The following LMOD2 variants were observed in gnomAD, a reference collection of about 807,000 sequenced individuals.
The protein encoded by LMOD2 is leiomodin-2.
A neutral mutation model predicts 41.7 loss-of-function variants in LMOD2; 27 were observed. The observed-to-expected ratio is 0.65, with a 90% CI of 0.48 to 0.89. The LOEUF (loss-of-function observed/expected upper bound fraction) is 0.89. LMOD2 is among the 40% of genes least tolerant of loss of function. The probability of loss-of-function intolerance (pLI) is 0.00; values close to 1 mark genes in which losing one functional copy is unlikely to be tolerated. For synonymous variants in LMOD2, 251 were observed against 244.6 expected, an observed-to-expected ratio of 1.03 and a Z score of -0.25; for missense variants, 624 against 667.9, an observed-to-expected ratio of 0.93 and a Z score of 0.72.
At chr7:123,660,087 T>G (rs183339095) in intron 1 of LMOD2, among the ~76,000 whole-genome samples, 2 of 151,948 alleles carry the variant, frequency 1.3e-5, no homozygotes. Flanking sequence ...TTATAAGGAA[T>G]TTGGAGTGGA....
In LMOD2 at chr7:123,663,033, A is replaced by G. The variant is rs1335759876; in HGVS notation, c.1447A>G (p.Lys483Glu). The G allele has an allele frequency of 1.2e-5, 18 of 1,552,004 alleles. No individual in the cohort carries two copies. The highest frequency in any genetic ancestry group is 1.4e-5 in the Non-Finnish European group (16 of 1,147,838). Residue 483 changes from lysine (K) to glutamate (E), a missense_variant, in exon 2 of 3, where the codon AAA becomes GAA. Coordinates refer to ENST00000458573, the MANE Select transcript of LMOD2 (RefSeq NM_207163.3). The part of the protein sequence containing the change: ...LQNGQKKKKG[K>E]KVKKQPNSIL... ...AAATGGACAAAAAAAGAAAAAAGGG[A>G]AAAAGGTCAAGAAACAGCCAAACAG...
intron 1 of LMOD2, among the ~76,000 whole-genome samples, chr7:123,657,877 C>G (rs1051670882): frequency 3.4e-5 from 5 of 147,022 alleles, no homozygotes; most frequent in Admixed American, 3.4e-4. Context: ...GTAGTCCCAG[C>G]TGCTCAGGAG....
At chr7:123,663,588 TA>T (rs1213670098) in intron 2 of LMOD2, 130 bp from the exon 3 acceptor site, 6 of 746,788 alleles carry the variant, frequency 8.0e-6, no homozygotes, top group African/African-American at 3.5e-5. Flanking sequence ...TATAATGTGG[TA>T]AAAAAATTAC....
rs115130463 is a variant in LMOD2, at chr7:123,658,830, A to G, written c.273+2594A>G. ...GGATCTTCTTGGAACTGCAAATTAT[A>G]GAGTTCCCGTCAATCTGATGAATGA... On this transcript the variant is annotated intron_variant, in intron 1 of 2. Coordinates refer to ENST00000458573, the MANE Select transcript of LMOD2 (RefSeq NM_207163.3). Among the ~76,000 whole-genome samples, 487 of 152,320 alleles carry G rather than the reference A, an allele frequency of 3.2e-3. 2 individuals carry two copies. The highest frequency in any genetic ancestry group is 0.011 in the African/African-American group (466 of 41,562).
intron 1 of LMOD2, among the ~76,000 whole-genome samples, chr7:123,657,544 A>G (rs1802807181): frequency 6.6e-6 from 1 of 152,192 alleles, no homozygotes; most frequent in Non-Finnish European, 1.5e-5. Flanking sequence ...GGAAGGACAC[A>G]TACAAGTCAG....
chr7:123,660,222 A>G (rs1322551962), intron 1 of LMOD2, among the ~76,000 whole-genome samples: 7 of 151,306 alleles, frequency 4.6e-5, no homozygotes, highest in African/African-American at 1.7e-4. Context: ...CTAGAGCCAC[A>G]CTCTTTTTCT....
chr7:123,663,944 T>C lies in LMOD2; in HGVS notation c.*199T>C. The stretch of plus-strand genomic sequence containing the variant: ...AATATGAAAATAAATTTCTTTTTTA[T>C]GTCGTGAGATTTGTATTGGCAAGAA... On this transcript the variant is annotated 3_prime_UTR_variant, in exon 3 of 3. Coordinates refer to ENST00000458573, the MANE Select transcript of LMOD2 (RefSeq NM_207163.3). The C allele has an allele frequency of 1.2e-5, 7 of 566,154 alleles. No individual in the cohort carries two copies. Among genetic ancestry groups the C allele is most frequent in the South Asian group, 5.1e-5 (2 of 39,192 alleles). 35.1% of individuals were successfully genotyped at this position (566,154 alleles called of 1,614,324 possible).
Position 123,658,401 on chromosome 7 carries a change from G to GT in LMOD2, c.273+2166dup, listed in dbSNP as rs1286173874. 2.0e-5 allele frequency among the ~76,000 whole-genome samples: 3 copies of GT among 152,152 alleles called. No individual in the cohort carries two copies. In the East Asian group the frequency reaches 5.8e-4, roughly 29 times the overall value. On this transcript the variant is annotated intron_variant, in intron 1 of 2. Transcript: ENST00000458573. ...GTGGCTGGGGGAGCAAGGTAGTTGCGTAAGTGAAGAGCCATAAAGGAAGGA... is the reference window on the plus strand; with the variant it reads ...GTGGCTGGGGGAGCAAGGTAGTTGCGTTAAGTGAAGAGCCATAAAGGAAGGA...
rs1187601511 is a variant in LMOD2, at chr7:123,662,819, G to A, written c.1233G>A (p.Arg411=). Residue 411 remains arginine, a synonymous_variant, in exon 2 of 3, where the codon AGG becomes AGA. Transcript: ENST00000458573. The surrounding 1 kb of genome is among the most constrained non-coding windows in gnomAD (Gnocchi z 4.0). ...TCCCCAAAAAAGTCCAGACTGTGAG[G>A]AGCCGTCCTCTGTCTCCTGTGGCCA... ...PKLPKKVQTV[R]SRPLSPVATP... is the part of the protein sequence containing the mutation. The A allele has an allele frequency of 2.5e-6, 4 of 1,613,002 alleles. No homozygotes were observed. The highest frequency in any genetic ancestry group is 1.1e-5 in the South Asian group (1 of 91,008).
chr7:123,656,505 T>C (rs552412652), intron 1 of LMOD2, among the ~76,000 whole-genome samples: 3 of 152,340 alleles, frequency 2.0e-5, no homozygotes, highest in African/African-American at 7.2e-5. Context: ...ACAATCAGTG[T>C]ATGGGATTCA....
chr7:123,663,813 T>C lies in LMOD2; in HGVS notation c.*68T>C. ...TTACATGAAATGCATTGTGAGATGT[T>C]TCTAAAATACCTTCTTCAATTCAAA... is the stretch of plus-strand genomic sequence containing the variant. On this transcript the variant is annotated 3_prime_UTR_variant, in exon 3 of 3. Transcript: ENST00000458573. 7.7e-7 allele frequency: 1 copy of C among 1,297,558 alleles called. No individual in the cohort carries two copies. Among genetic ancestry groups the C allele is most frequent in the Non-Finnish European group, 1.1e-6 (1 of 925,088 alleles). 80.4% of individuals were successfully genotyped at this position (1,297,558 alleles called of 1,614,324 possible).
At position 123,662,780 on chromosome 7, in the gene LMOD2, G is replaced by A. The variant is rs1175271580; in HGVS notation, c.1194G>A (p.Trp398Ter). 3 of 1,613,748 alleles carry A rather than the reference G, an allele frequency of 1.9e-6. No individual in the cohort carries two copies. The highest frequency in any genetic ancestry group is 2.5e-6 in the Non-Finnish European group (3 of 1,179,852). The change falls in exon 2 of 3, where the codon TGG becomes TGA. Residue 398 changes from tryptophan (W) to a stop codon, truncating the protein, a stop_gained. Coordinates refer to ENST00000458573, the MANE Select transcript of LMOD2 (RefSeq NM_207163.3). LOFTEE classifies it high-confidence loss of function. The surrounding 1 kb of genome is among the most constrained non-coding windows in gnomAD (Gnocchi z 4.0). Reference protein sequence around the residue: ...SPYVSPRHSPWSSPKLPKKVQ... With the variant: ...SPYVSPRHSP ...ATGTATCTCCCAGGCACTCACCCTG[G>A]TCATCCCCAAAACTCCCCAAAAAAG...
rs1347117471 is a variant in LMOD2, at chr7:123,662,275, C to A, written c.689C>A (p.Thr230Asn). The A allele has an allele frequency of 1.9e-6, 3 of 1,613,900 alleles. No homozygotes were observed. Among genetic ancestry groups the A allele is most frequent in the Non-Finnish European group, 2.5e-6 (3 of 1,179,906 alleles). ...NIENITTQTL[T>N]RFAEALKDNT... ...GAGAACATCACAACACAGACCCTTA[C>A]CCGCTTTGCTGAAGCCCTCAAGGAC... Residue 230 changes from threonine to asparagine, a missense_variant, in exon 2 of 3, where the codon ACC (threonine) becomes AAC (asparagine). Transcript: ENST00000458573. This position sits in a 1 kb window ranked among gnomAD's most constrained non-coding sequence, Gnocchi z 4.0.
In LMOD2 at chr7:123,663,714, T is replaced by C. The variant is rs375602790; in HGVS notation, c.1618-5T>C. 7.4e-5 allele frequency: 116 copies of C among 1,577,832 alleles called. No homozygotes were observed. In the Middle Eastern group the frequency reaches 1.5e-3, roughly 20 times the overall value. On this transcript the variant is annotated splice_region_variant and splice_polypyrimidine_tract_variant and intron_variant, in intron 2 of 2. Transcript: ENST00000458573. ...TCATTGAGAGAAAATCCGCTATTTT[T>C]GTAGGTGGAAGTTCCAGAAGCCCTG...
chr7:123,656,826 G>C (rs1300180726), intron 1 of LMOD2, among the ~76,000 whole-genome samples: 1 of 151,954 alleles, frequency 6.6e-6, no homozygotes, highest in Non-Finnish European at 1.5e-5. Context: ...ACTTTTACAG[G>C]GTTCTCTTTC....
At position 123,655,979 on chromosome 7, in the gene LMOD2, T is replaced by C. The variant is rs753892645; in HGVS notation, c.16T>C (p.Tyr6His). The C allele has an allele frequency of 2.1e-5, 34 of 1,606,794 alleles. No homozygotes were observed. The highest frequency in any genetic ancestry group is 2.8e-5 in the Non-Finnish European group (33 of 1,177,358). Reference sequence around the variant, plus strand: ...AGCAGGGACCATGTCTACCTTTGGCTACCGAAGAGGACTCAGTAAATACGA... The same window carrying C: ...AGCAGGGACCATGTCTACCTTTGGCCACCGAAGAGGACTCAGTAAATACGA... MSTFGYRRGLSKYESI... is the reference protein window; with the variant it reads MSTFGHRRGLSKYESI... Residue 6 changes from tyrosine (Y) to histidine (H), a missense_variant, in exon 1 of 3, where the codon TAC becomes CAC. Transcript: ENST00000458573.
intron 2 of LMOD2, 77 bp downstream of exon 2, chr7:123,663,280 T>C: frequency 1.4e-6 from 2 of 1,458,462 alleles, no homozygotes; most frequent in Non-Finnish European, 1.8e-6. Context: ...GGTACCAAAG[T>C]CACCTCTCAC....
intron 1 of LMOD2, 81 bp downstream of exon 1, chr7:123,656,317 T>A: frequency 2.9e-6 from 4 of 1,393,764 alleles, no homozygotes; most frequent in Non-Finnish European, 3.9e-6. Flanking sequence ...TTTCCCTAAC[T>A]TCTCAATCCT....
At position 123,663,209 on chromosome 7, in the gene LMOD2, T is replaced by C. The variant is rs1284790527; in HGVS notation, c.1617+6T>C. 4.5e-6 allele frequency: 7 copies of C among 1,559,652 alleles called. No individual in the cohort carries two copies. ...GCATAAAACAGCTAAAGCGGGTAAGTAACCAGAGAACAGACATAGGGGCAC... is the reference window on the plus strand; with the variant it reads ...GCATAAAACAGCTAAAGCGGGTAAGCAACCAGAGAACAGACATAGGGGCAC... On this transcript the variant is annotated splice_donor_region_variant and intron_variant, in intron 2 of 2. Transcript: ENST00000458573.
Sources: allele counts gnomAD v4.1 joint callset (sites outside exome capture counted in the v4.1 genomes callset), GRCh38; gene constraint gnomAD v4.1.1; non-coding constraint Gnocchi (gnomAD v3.1); transcripts MANE v1.5; gene names NCBI Gene and HGNC (gene_info 2026-07-23, HGNC 2026-07-21).